Variants in CNBD1 observed in about 807,000 individuals in gnomAD.
The protein encoded by CNBD1 is cyclic nucleotide binding domain containing 1, also known as cyclic nucleotide-binding domain-containing protein 1.
In CNBD1, 71 loss-of-function variants were observed where a neutral mutation model predicts 54.4. The observed-to-expected ratio is 1.30, with a 90% CI of 1.08 to 1.59. The LOEUF is 1.59. Among genes scored for constraint, CNBD1 ranks in the 40% most tolerant of loss-of-function variants. The pLI, the probability that CNBD1 is intolerant of heterozygous loss-of-function variation, is 0.00. For missense variants in CNBD1, 659 were observed against 518.0 expected, an observed-to-expected ratio of 1.27 and a Z score of -2.64; for synonymous variants, 182 against 170.7, an observed-to-expected ratio of 1.07 and a Z score of -0.51.
chr8:87,190,105 G>A (rs946586443), intron 4 of CNBD1, among the ~76,000 whole-genome samples: 1 of 152,126 alleles, frequency 6.6e-6, no homozygotes, highest in African/African-American at 2.4e-5. Flanking sequence ...TAATTAAAAT[G>A]AACTTTTCAG....
At chr8:87,371,369 G>C (rs1351224013) in intron 10 of CNBD1, among the ~76,000 whole-genome samples, 1 of 151,980 alleles carries the variant, frequency 6.6e-6, no homozygotes, top group African/African-American at 2.4e-5. Context: ...AGCATGGAAT[G>C]TTCTTCCATT....
At chr8:87,114,722 C>A (rs554208282) in intron 4 of CNBD1, among the ~76,000 whole-genome samples, 1 of 152,094 alleles carries the variant, frequency 6.6e-6, no homozygotes, top group Middle Eastern at 3.2e-3. Flanking sequence ...TTGCAAGTAC[C>A]GTGTCTGCTG....
At chr8:87,417,512 A>T (rs901036453) in intron 2 of CNBD1, among the ~76,000 whole-genome samples, 4 of 152,050 alleles carry the variant, frequency 2.6e-5, no homozygotes, top group African/African-American at 9.7e-5. Flanking sequence ...AAGTAAATGG[A>T]AGAAAAGATA....
intron 6 of CNBD1, among the ~76,000 whole-genome samples, chr8:87,261,104 A>G (rs1046397370): frequency 6.6e-6 from 1 of 152,128 alleles, no homozygotes; most frequent in Non-Finnish European, 1.5e-5. Flanking sequence ...CTCTAACTAA[A>G]TTCAAGACAG....
intron 6 of CNBD1, among the ~76,000 whole-genome samples, chr8:87,246,753 G>A (rs1011719665): frequency 3.3e-5 from 5 of 152,042 alleles, no homozygotes; most frequent in African/African-American, 1.2e-4. Context: ...TTTGTCACCA[G>A]AGATCAGTGT....
At chr8:87,340,663 C>G (rs956958555) in intron 8 of CNBD1, among the ~76,000 whole-genome samples, 2 of 151,968 alleles carry the variant, frequency 1.3e-5, no homozygotes, top group African/African-American at 2.4e-5. Flanking sequence ...TTCAAATTAC[C>G]TATCTTCAAG....
At chr8:87,407,885 A>G (rs757999921) in intron 2 of CNBD1, among the ~76,000 whole-genome samples, 1 of 152,002 alleles carries the variant, frequency 6.6e-6, no homozygotes, top group African/African-American at 2.4e-5. Flanking sequence ...ATTTATATAC[A>G]TGAGTTAGAT....
intron 5 of CNBD1, among the ~76,000 whole-genome samples, chr8:87,232,826 A>G (rs1419746583): frequency 6.6e-6 from 1 of 152,128 alleles, no homozygotes; most frequent in African/African-American, 2.4e-5. Context: ...TGATGAAGAA[A>G]CTAAAAGAGA....
At chr8:86,969,793 TACACACACACACACAC>T (rs10547170) in intron 4 of CNBD1, among the ~76,000 whole-genome samples, 2 of 144,480 alleles carry the variant, frequency 1.4e-5, no homozygotes, top group Non-Finnish European at 3.0e-5. Flanking sequence ...TATATATATA[TACACACACACACACAC>T]ACACACACAC....
At chr8:87,108,019 AGT>A (rs1811577698) in intron 4 of CNBD1, among the ~76,000 whole-genome samples, 1 of 152,186 alleles carries the variant, frequency 6.6e-6, no homozygotes, top group Non-Finnish European at 1.5e-5. Context: ...TAATCTTTAT[AGT>A]ATTATATAGT....
At chr8:87,155,554 G>A (rs2130753290) in intron 4 of CNBD1, among the ~76,000 whole-genome samples, 1 of 152,296 alleles carries the variant, frequency 6.6e-6, no homozygotes, top group East Asian at 1.9e-4. Context: ...AGACTGATTA[G>A]ATGTATGATA....
chr8:86,998,679 C>G (rs1299304902), intron 4 of CNBD1, among the ~76,000 whole-genome samples: 1 of 152,176 alleles, frequency 6.6e-6, no homozygotes, highest in Middle Eastern at 3.2e-3. Flanking sequence ...AACTGTATAT[C>G]ACTGGCCCCA....
At chr8:87,263,254 G>A (rs534202229) in intron 6 of CNBD1, among the ~76,000 whole-genome samples, 1 of 152,202 alleles carries the variant, frequency 6.6e-6, no homozygotes, top group South Asian at 2.1e-4. Context: ...TGTCATTTGT[G>A]TGAAAACCAT....
At chr8:87,337,622 C>A (rs903742818) in intron 8 of CNBD1, among the ~76,000 whole-genome samples, 1 of 152,158 alleles carries the variant, frequency 6.6e-6, no homozygotes, top group Non-Finnish European at 1.5e-5. Flanking sequence ...GTGTGATCTT[C>A]CAATCTGTTG....
chr8:87,366,799 G>A (rs1357098171), intron 10 of CNBD1, among the ~76,000 whole-genome samples: 1 of 152,064 alleles, frequency 6.6e-6, no homozygotes, highest in Non-Finnish European at 1.5e-5. Context: ...GCAGCATGGG[G>A]TACTGGGGAG....
intron 4 of CNBD1, among the ~76,000 whole-genome samples, chr8:86,981,835 C>G (rs1435453318): frequency 6.6e-6 from 1 of 152,148 alleles, no homozygotes; most frequent in African/African-American, 2.4e-5. Flanking sequence ...TTTCTAGTAT[C>G]TGACTATTGT....
chr8:87,141,581 G>A (rs554053158), intron 4 of CNBD1, among the ~76,000 whole-genome samples: 56 of 152,084 alleles, frequency 3.7e-4, no homozygotes, highest in Non-Finnish European at 7.2e-4. Context: ...GTCCTCTTAA[G>A]TACAGCTTAT....
At chr8:86,945,131 A>G (rs980857349) in intron 4 of CNBD1, among the ~76,000 whole-genome samples, 2 of 152,154 alleles carry the variant, frequency 1.3e-5, no homozygotes, top group African/African-American at 4.8e-5. Flanking sequence ...TGGTTTCTTC[A>G]TAAATGACTA....
At chr8:86,950,797 A>G (rs1335831008) in intron 4 of CNBD1, among the ~76,000 whole-genome samples, 1 of 152,052 alleles carries the variant, frequency 6.6e-6, no homozygotes, top group Non-Finnish European at 1.5e-5. Context: ...GAGACTTTTT[A>G]TTACAGATTT....
Sources: allele counts gnomAD v4.1 joint callset (sites outside exome capture counted in the v4.1 genomes callset), GRCh38; gene constraint gnomAD v4.1.1; transcripts MANE v1.5; gene names NCBI Gene and HGNC (gene_info 2026-07-23, HGNC 2026-07-21).